EPB41L1: variants seen among roughly 807,000 people sequenced by gnomAD.
EPB41L1 encodes the protein band 4.1-like protein 1.
EPB41L1 carries 29 observed loss-of-function variants against 97.8 expected under a neutral mutation model. That is an observed-to-expected ratio of 0.30 (90% confidence interval 0.22 to 0.40). EPB41L1 has a LOEUF of 0.40. Ranked by LOEUF, EPB41L1 falls within the 10% of genes least tolerant of loss-of-function variation. The pLI, the probability that EPB41L1 is intolerant of heterozygous loss-of-function variation, is 1.00. For synonymous variants in EPB41L1, 383 were observed against 459.2 expected (o/e 0.83, Z 2.12); for missense variants, 812 against 1,162.3 (o/e 0.70, Z 4.38).
rs137878571 is a variant in EPB41L1, at chr20:36,138,394, T to C, written c.-10+25914T>C. On this transcript the variant is annotated intron_variant, in intron 2 of 19. Transcript: ENST00000202028. ...AGTTCTCCTGCCTCAGCCTCCCGAG[T>C]AGCTGGGATTACAGCTTCTCCACCC... 3.4e-3 allele frequency among the ~76,000 whole-genome samples: 516 copies of C among 151,688 alleles called. 4 individuals are homozygous for C. Among genetic ancestry groups the C allele is most frequent in the Middle Eastern group, 0.027 (8 of 294 alleles).
chr20:36,218,503 A>G (rs1253711743), intron 17 of EPB41L1, among the ~76,000 whole-genome samples: 1 of 152,198 alleles, frequency 6.6e-6, no homozygotes, highest in Non-Finnish European at 1.5e-5. Flanking sequence ...TGTGAGGCCC[A>G]TAGAGAGGAA....
Position 36,190,546 on chromosome 20 carries a change from G to A in EPB41L1, c.1125-76G>A. ...TAGTTGGTGGAGTAGTGGGATGAAAGGCCAGCTGTGGTCTAACCTTGGGCC... is the reference window on the plus strand; with the variant it reads ...TAGTTGGTGGAGTAGTGGGATGAAAAGCCAGCTGTGGTCTAACCTTGGGCC... On this transcript the variant is annotated intron_variant, in intron 10 of 21. Coordinates refer to ENST00000338074, the MANE Select transcript of EPB41L1 (RefSeq NM_012156.2). This position sits in a 1 kb window ranked among gnomAD's most constrained non-coding sequence, Gnocchi z 5.8. 6.3e-7 allele frequency: 1 copy of A among 1,592,062 alleles called. No individual in the cohort carries two copies. The highest frequency in any genetic ancestry group is 8.6e-7 in the Non-Finnish European group (1 of 1,163,660).
At chr20:36,203,644 G>A (rs1028224255) in intron 14 of EPB41L1, among the ~76,000 whole-genome samples, 4 of 152,210 alleles carry the variant, frequency 2.6e-5, no homozygotes, top group Admixed American at 2.0e-4. Flanking sequence ...TGAGCAAAAG[G>A]ACCTAGCTTC....
At chr20:36,214,093 A>C (rs1222736239) in intron 16 of EPB41L1, among the ~76,000 whole-genome samples, 1 of 151,992 alleles carries the variant, frequency 6.6e-6, no homozygotes, top group Admixed American at 6.5e-5. Context: ...GTTCCTAGAG[A>C]TTGCTAGGTC....
chr20:36,125,085 A>T (rs1255861308), intron 2 of EPB41L1, among the ~76,000 whole-genome samples: 1 of 152,036 alleles, frequency 6.6e-6, no homozygotes, highest in Non-Finnish European at 1.5e-5. Flanking sequence ...TACTTCTAAG[A>T]TGTGGGCTCA....
intron 2 of EPB41L1, among the ~76,000 whole-genome samples, chr20:36,115,654 G>A (rs1484942409): frequency 6.6e-6 from 1 of 152,166 alleles, no homozygotes; most frequent in South Asian, 2.1e-4. Flanking sequence ...CACTTTGGGA[G>A]GCCGAGGCAG....
chr20:36,157,599 T>C (rs1355113702), intron 1 of EPB41L1, among the ~76,000 whole-genome samples: 1 of 151,896 alleles, frequency 6.6e-6, no homozygotes, highest in East Asian at 1.9e-4. Flanking sequence ...TGGAGAGGTG[T>C]GTGAGGGGTG....
In EPB41L1 at chr20:36,178,029, G is replaced by T; in HGVS notation, c.420G>T (p.Leu140=). The T allele has an allele frequency of 6.2e-7, 1 of 1,614,138 alleles. No homozygotes were observed. Among genetic ancestry groups the T allele is most frequent in the Non-Finnish European group, 8.5e-7 (1 of 1,180,008 alleles). The change falls in exon 4 of 22, where the codon CTG becomes CTT. Residue 140 remains leucine, a synonymous_variant. Coordinates refer to ENST00000338074, the MANE Select transcript of EPB41L1 (RefSeq NM_012156.2). ...LNLLEKDYFG[L]TFCDADSQKN... ...TCCTAGAGAAGGACTACTTCGGCCT[G>T]ACCTTCTGTGATGCTGACAGCCAGA...
At chr20:36,187,876 C>A in intron 8 of EPB41L1, 113 bp downstream of exon 8, 1 of 837,934 alleles carries the variant, frequency 1.2e-6, no homozygotes, top group Middle Eastern at 3.0e-4. Context: ...AACTTGAAAC[C>A]TTTTCTGTTC....
chr20:36,212,138 C>A lies in EPB41L1; in HGVS notation c.2080-134C>A. The A allele has an allele frequency of 1.2e-6, 1 of 838,980 alleles. No individual in the cohort carries two copies. The highest frequency in any genetic ancestry group is 2.0e-6 in the Non-Finnish European group (1 of 501,812). The allele number at this position is 838,980 out of a possible 1,614,324, so 52.0% of individuals were successfully genotyped here. A position where few individuals can be genotyped will look rare whatever the true frequency, so the allele number is the denominator to read the frequency against. ...TCACACCACAACTCTTTTACCCTGTCCAGAGTACCCTTCCAGAGATGTGGC... is the reference window on the plus strand; with the variant it reads ...TCACACCACAACTCTTTTACCCTGTACAGAGTACCCTTCCAGAGATGTGGC... On this transcript the variant is annotated intron_variant, in intron 15 of 21. Coordinates refer to ENST00000338074, the MANE Select transcript of EPB41L1 (RefSeq NM_012156.2). This position sits in a 1 kb window ranked among gnomAD's most constrained non-coding sequence, Gnocchi z 4.8.
chr20:36,185,265 G>A lies in EPB41L1; in HGVS notation c.715G>A (p.Glu239Lys), dbSNP rs748336862. The A allele has an allele frequency of 7.4e-6, 12 of 1,613,896 alleles. No homozygotes were observed. Among genetic ancestry groups the A allele is most frequent in the African/African-American group, 4.0e-5 (3 of 75,046 alleles). The change falls in exon 7 of 22, where the codon GAG becomes AAG. Residue 239 changes from glutamate (E) to lysine (K), a missense_variant. Physicochemically the swap from Glu to Lys is moderately conservative, Grantham distance 56 (BLOSUM62 1). This residue lies in a region of EPB41L1 where 230 missense variants were observed against 445.2 expected (regional missense o/e 0.52). Coordinates refer to ENST00000338074, the MANE Select transcript of EPB41L1 (RefSeq NM_012156.2). ...GGAGCATGTGGGCAACTATGTCAGC[G>A]AGCTCCGCTTCGCCCCTAACCAGAC... The part of the protein sequence containing the change: ...AEEHVGNYVS[E>K]LRFAPNQTRE...
In EPB41L1 at chr20:36,110,534, GCACA is replaced by G. The variant is rs372413133; in HGVS notation, c.-64-1880_-64-1877del. On this transcript the variant is annotated intron_variant, in intron 1 of 19. Coordinates refer to the EPB41L1 transcript ENST00000202028. ...CCTCTCAAGGTAGCTACACACATGTGCACACACACACACACTCACACCCATTGGC... is the reference window on the plus strand; with the variant it reads ...CCTCTCAAGGTAGCTACACACATGTGCACACACACACTCACACCCATTGGC... 4.0e-5 allele frequency among the ~76,000 whole-genome samples: 6 copies of G among 150,540 alleles called. No homozygotes were observed. The South Asian group carries it at 1.3e-3, about 32-fold the overall frequency.
At position 36,207,084 on chromosome 20, in the gene EPB41L1, C is replaced by T. The variant is rs1371848887; in HGVS notation, c.1669-2404C>T. 2.3e-6 allele frequency: 3 copies of T among 1,289,146 alleles called. No individual in the cohort carries two copies. Among genetic ancestry groups the T allele is most frequent in the South Asian group, 2.5e-5 (2 of 80,980 alleles). 79.9% of individuals were successfully genotyped at this position (1,289,146 alleles called of 1,614,324 possible). A position where few individuals can be genotyped will look rare whatever the true frequency, so the allele number is the denominator to read the frequency against. On this transcript the variant is annotated intron_variant, in intron 14 of 21. Coordinates refer to ENST00000338074, the MANE Select transcript of EPB41L1 (RefSeq NM_012156.2). This position sits in a 1 kb window ranked among gnomAD's most constrained non-coding sequence, Gnocchi z 4.9. ...TTCTTCACATGGAGGTGATCATTCCCCTGCCAGCCTCCCCTGGTCATTCTG... is the reference window on the plus strand; with the variant it reads ...TTCTTCACATGGAGGTGATCATTCCTCTGCCAGCCTCCCCTGGTCATTCTG...
In EPB41L1 at chr20:36,201,008, C is replaced by T. The variant is rs533274788; in HGVS notation, c.1668+2967C>T. ...TGTCTTCACCTTCCTGTGCCCCTTC[C>T]TCCTGCCCACCCAGAACCACCCTCT... On this transcript the variant is annotated intron_variant, in intron 14 of 21. Coordinates refer to ENST00000338074, the MANE Select transcript of EPB41L1 (RefSeq NM_012156.2). The T allele has an allele frequency of 8.8e-4, 401 of 456,824 alleles. 4 individuals are homozygous for T. The Middle Eastern group carries it at 0.013, about 15-fold the overall frequency. 28.3% of individuals were successfully genotyped at this position (456,824 alleles called of 1,614,324 possible).
intron 2 of EPB41L1, among the ~76,000 whole-genome samples, chr20:36,115,509 C>T (rs2058556508): frequency 6.6e-6 from 1 of 152,206 alleles, no homozygotes; most frequent in Non-Finnish European, 1.5e-5. Context: ...ATCCATAAAC[C>T]TGCCTGAAAG....
chr20:36,142,334 A>G lies in EPB41L1; in HGVS notation c.-10+29854A>G, dbSNP rs6060819. Among the ~76,000 whole-genome samples, 3 of 152,188 alleles carry G rather than the reference A, an allele frequency of 2.0e-5. No individual in the cohort carries two copies. The South Asian group carries it at 6.2e-4, about 32-fold the overall frequency. On this transcript the variant is annotated intron_variant, in intron 2 of 19. Transcript: ENST00000202028. ...ACGTAGCCACTATTATTGGACATAT[A>G]TATTAACTCCAATGCTCTACTTTAC... is the stretch of plus-strand genomic sequence containing the variant.
In EPB41L1 at chr20:36,154,842, G is replaced by T; in HGVS notation, c.-69G>T. 1 of 1,001,038 alleles carries T rather than the reference G, an allele frequency of 1.0e-6. No homozygotes were observed. The highest frequency in any genetic ancestry group is 4.0e-5 in the South Asian group (1 of 24,700). The allele number at this position is 1,001,038 out of a possible 1,614,324, so 62.0% of individuals were successfully genotyped here. Reference sequence around the variant, plus strand: ...GCCCCGCGGCCTGCCTGCCAGAGGAGCCGAGGGGGCCGCCCCTCGCCCAAC... The same window carrying T: ...GCCCCGCGGCCTGCCTGCCAGAGGATCCGAGGGGGCCGCCCCTCGCCCAAC... On this transcript the variant is annotated 5_prime_UTR_variant, in exon 1 of 22. Transcript: ENST00000338074. The surrounding 1 kb of genome is among the most constrained non-coding windows in gnomAD (Gnocchi z 5.5).
intron 2 of EPB41L1, among the ~76,000 whole-genome samples, chr20:36,128,679 G>T (rs921214211): frequency 6.6e-6 from 1 of 152,230 alleles, no homozygotes; most frequent in African/African-American, 2.4e-5. Context: ...TTAGCATGGG[G>T]TGATGGGGTT....
chr20:36,204,190 C>T (rs532303041), intron 14 of EPB41L1, among the ~76,000 whole-genome samples: 2 of 152,134 alleles, frequency 1.3e-5, no homozygotes, highest in African/African-American at 2.4e-5. Context: ...ATCTGTATCA[C>T]GAGGGGCTCT....
Sources: gnomAD v4.1 joint callset for allele counts (sites outside exome capture counted in the v4.1 genomes callset) on GRCh38, gnomAD v4.1.1 for gene constraint, gnomAD v4.1.1 regional missense constraint, Gnocchi (gnomAD v3.1) non-coding constraint, MANE v1.5 for transcripts, NCBI Gene and HGNC (gene_info 2026-07-23, HGNC 2026-07-21) for gene names.